ZNF236: variants seen among roughly 807,000 people sequenced by gnomAD.
ZNF236 encodes regulated by glucose.
Under a neutral mutation model 191.2 loss-of-function variants are expected in ZNF236, and 50 were observed. The ratio of observed to expected loss-of-function variants is 0.26; its 90% CI spans 0.21 to 0.33. The LOEUF (loss-of-function observed/expected upper bound fraction) is 0.33, where lower values mean the gene tolerates loss of function less well. Ranked by LOEUF, ZNF236 falls within the 10% of genes least tolerant of loss-of-function variation. The pLI, the probability that ZNF236 is intolerant of heterozygous loss-of-function variation, is 1.00. For missense variants in ZNF236, 1,754 were observed against 2,374.5 expected, an observed-to-expected ratio of 0.74 and a Z score of 5.43; for synonymous variants, 907 against 928.8, an observed-to-expected ratio of 0.98 and a Z score of 0.43.
chr18:76,824,343 G>C lies in ZNF236; in HGVS notation c.55+1681G>C, dbSNP rs1015620794. On this transcript the variant is annotated intron_variant, in intron 1 of 30. Coordinates refer to ENST00000320610, the MANE Select transcript of ZNF236 (RefSeq NM_001306089.2). ...TGGTGACCAACAGGCGTTTCAGCGAGCTTTCGCACACCTCATGGGCCTTTG... is the reference window on the plus strand; with the variant it reads ...TGGTGACCAACAGGCGTTTCAGCGACCTTTCGCACACCTCATGGGCCTTTG... The C allele has an allele frequency of 3.8e-6, 3 of 780,988 alleles. No individual in the cohort carries two copies. The African/African-American group carries it at 5.1e-5, about 13-fold the overall frequency. 48.4% of individuals were successfully genotyped at this position (780,988 alleles called of 1,614,324 possible). A position where few individuals can be genotyped will look rare whatever the true frequency, so the allele number is the denominator to read the frequency against.
chr18:76,896,694 A>G (rs1599373930), intron 10 of ZNF236, among the ~76,000 whole-genome samples: 1 of 149,326 alleles, frequency 6.7e-6, no homozygotes, highest in Non-Finnish European at 1.5e-5. Context: ...TACAGCCTGC[A>G]GAGCTGCACT....
chr18:76,895,314 G>A (rs1977370803), intron 10 of ZNF236, 29 bp downstream of exon 10: 23 of 1,593,436 alleles, frequency 1.4e-5, no homozygotes, highest in Non-Finnish European at 2.0e-5. Flanking sequence ...GCCCACACGG[G>A]CACTGGCCAC....
chr18:76,912,959 A>G (rs1195705989), intron 17 of ZNF236, among the ~76,000 whole-genome samples: 1 of 152,210 alleles, frequency 6.6e-6, no homozygotes, highest in Non-Finnish European at 1.5e-5. Flanking sequence ...CCAGATTTAC[A>G]AGAGTGAATT....
rs375726716 is a variant in ZNF236, at chr18:76,873,986, T to G, written c.668-1506T>G. Among the ~76,000 whole-genome samples, 1,258 of 131,720 alleles carry G rather than the reference T, an allele frequency of 9.6e-3. 20 individuals are homozygous for G. Among genetic ancestry groups the G allele is most frequent in the African/African-American group, 0.032 (1,084 of 33,982 alleles). 86.4% of individuals were successfully genotyped at this position (131,720 alleles called of 152,430 possible). ...TCCTCTCCTGTCGCCACACAGGCAGTGCTGTGACTGGGCCACACTCACCGT... is the reference window on the plus strand; with the variant it reads ...TCCTCTCCTGTCGCCACACAGGCAGGGCTGTGACTGGGCCACACTCACCGT... On this transcript the variant is annotated intron_variant, in intron 5 of 30. Coordinates refer to ENST00000320610, the MANE Select transcript of ZNF236 (RefSeq NM_001306089.2).
At chr18:76,825,456 TG>T (rs1030787699) in intron 1 of ZNF236, among the ~76,000 whole-genome samples, 2 of 152,174 alleles carry the variant, frequency 1.3e-5, no homozygotes, top group Non-Finnish European at 2.9e-5. Context: ...TAGGTGGTGG[TG>T]GCGGTGCCTA....
chr18:76,840,911 C>T (rs1975475606), intron 1 of ZNF236: 1 of 151,736 alleles, frequency 6.6e-6, no homozygotes, highest in Non-Finnish European at 1.5e-5. Context: ...ACCTCCACCT[C>T]CCGGGTTCAA....
intron 11 of ZNF236, among the ~76,000 whole-genome samples, chr18:76,900,644 A>C (rs1977563397): frequency 6.6e-6 from 1 of 152,218 alleles, no homozygotes; most frequent in Admixed American, 6.5e-5. Flanking sequence ...CATACTACAC[A>C]TGTGAGTATT....
rs1195853243 is a variant in ZNF236, at chr18:76,892,202, C to G, written c.1418-2811C>G. On this transcript the variant is annotated intron_variant, in intron 9 of 30. Transcript: ENST00000320610. ...TTTTTTTTTTTTTGTAAATAGGAAG[C>G]GTATTGATTTTCTTGTATTAAAACT... Among the ~76,000 whole-genome samples, 48 of 20,040 alleles carry G rather than the reference C, an allele frequency of 2.4e-3. 1 individual carries two copies. Among genetic ancestry groups the G allele is most frequent in the African/African-American group, 8.5e-3 (46 of 5,396 alleles). 13.1% of individuals were successfully genotyped at this position (20,040 alleles called of 152,430 possible).
At chr18:76,828,473 T>C (rs1975075502) in intron 1 of ZNF236, among the ~76,000 whole-genome samples, 1 of 152,152 alleles carries the variant, frequency 6.6e-6, no homozygotes, top group Non-Finnish European at 1.5e-5. Flanking sequence ...TGCCAGACTT[T>C]ATCCTTTGAA....
chr18:76,830,060 G>A (rs1975124268), intron 1 of ZNF236, among the ~76,000 whole-genome samples: 1 of 152,062 alleles, frequency 6.6e-6, no homozygotes. Flanking sequence ...TAGTAGAGAT[G>A]GGGGTTCACC....
chr18:76,823,263 A>G (rs1454175532), intron 1 of ZNF236, among the ~76,000 whole-genome samples: 2 of 150,214 alleles, frequency 1.3e-5, no homozygotes, highest in African/African-American at 4.9e-5. Flanking sequence ...AGTGTGCTCC[A>G]GTGTTATCTG....
chr18:76,884,546 TA>T (rs1449072526), intron 9 of ZNF236, among the ~76,000 whole-genome samples: 1 of 152,218 alleles, frequency 6.6e-6, no homozygotes, highest in Non-Finnish European at 1.5e-5. Flanking sequence ...GAAACTTTTC[TA>T]AAAGTCCTTG....
chr18:76,834,828 C>T, intron 1 of ZNF236: 1 of 466,200 alleles, frequency 2.1e-6, no homozygotes, highest in Non-Finnish European at 4.2e-6. Flanking sequence ...TGGGAAGGTG[C>T]ATTGAAATGC....
intron 9 of ZNF236, among the ~76,000 whole-genome samples, chr18:76,881,993 C>G (rs538881754): frequency 6.6e-6 from 1 of 152,332 alleles, no homozygotes; most frequent in Non-Finnish European, 1.5e-5. Flanking sequence ...CTCACCATTT[C>G]CCATTACACA....
rs534277136 is a variant in ZNF236, at chr18:76,919,643, C to T, written c.3275-133C>T. On this transcript the variant is annotated intron_variant, in intron 19 of 30. Transcript: ENST00000320610. This position sits in a 1 kb window ranked among gnomAD's most constrained non-coding sequence, Gnocchi z 5.3. Reference sequence around the variant, plus strand: ...AGAGGTGGGAAAATATAGCAACTCTCTACCATCATAAAAATAGCTTGGTTG... The same window carrying T: ...AGAGGTGGGAAAATATAGCAACTCTTTACCATCATAAAAATAGCTTGGTTG... 1.8e-4 allele frequency: 199 copies of T among 1,109,268 alleles called. No homozygotes were observed. Among genetic ancestry groups the T allele is most frequent in the African/African-American group, 9.1e-4 (58 of 63,450 alleles). The allele number at this position is 1,109,268 out of a possible 1,614,324, so 68.7% of individuals were successfully genotyped here. A position where few individuals can be genotyped will look rare whatever the true frequency, so the allele number is the denominator to read the frequency against.
In ZNF236 at chr18:76,958,365, C is replaced by T. The variant is rs150255003; in HGVS notation, c.5113-1322C>T. 9.8e-5 allele frequency among the ~76,000 whole-genome samples: 15 copies of T among 152,310 alleles called. No individual in the cohort carries two copies. The East Asian group carries it at 2.9e-3, about 29-fold the overall frequency. ...AGCTCGTCGGTATTTCTTTTAAAGT[C>T]ATCAGCATAGAGTGGCAGCTGCGTG... On this transcript the variant is annotated intron_variant, in intron 28 of 30. Coordinates refer to ENST00000320610, the MANE Select transcript of ZNF236 (RefSeq NM_001306089.2).
chr18:76,868,899 T>C (rs1976504149), intron 4 of ZNF236, 36 bp downstream of exon 4: 2 of 1,544,484 alleles, frequency 1.3e-6, no homozygotes, highest in East Asian at 4.7e-5. Context: ...CAAAAATCCA[T>C]CTAATATGTT....
Position 76,910,104 on chromosome 18 carries a change from A to G in ZNF236, c.2588A>G (p.His863Arg), listed in dbSNP as rs1197985164. 1 of 1,613,694 alleles carries G rather than the reference A, an allele frequency of 6.2e-7. No homozygotes were observed. The change falls in exon 15 of 31, where the codon CAC becomes CGC. Residue 863 changes from histidine (H) to arginine (R), a missense_variant. Coordinates refer to ENST00000320610, the MANE Select transcript of ZNF236 (RefSeq NM_001306089.2). ...GCTCCACAGGACCCTCTGCGAGGGCACGTAGACCAGTTTGAAGAGCAGAGC... is the reference window on the plus strand; with the variant it reads ...GCTCCACAGGACCCTCTGCGAGGGCGCGTAGACCAGTTTGAAGAGCAGAGC... ...FVAPQDPLRG[H>R]VDQFEEQSPA...
At chr18:76,848,876 C>G (rs375522203) in intron 1 of ZNF236, among the ~76,000 whole-genome samples, 2 of 152,210 alleles carry the variant, frequency 1.3e-5, no homozygotes, top group African/African-American at 4.8e-5. Context: ...TCAGGCTGGT[C>G]TTGAACTCCA....
Sources: allele counts gnomAD v4.1 joint callset (sites outside exome capture counted in the v4.1 genomes callset), GRCh38; gene constraint gnomAD v4.1.1; non-coding constraint Gnocchi (gnomAD v3.1); transcripts MANE v1.5; gene names NCBI Gene and HGNC (gene_info 2026-07-23, HGNC 2026-07-21).